MMP20: variants seen among roughly 807,000 people sequenced by gnomAD.
The protein encoded by MMP20 is matrix metalloproteinase-20.
Under a neutral mutation model 51.8 loss-of-function variants are expected in MMP20, and 50 were observed. That is an observed-to-expected ratio of 0.97 (90% CI 0.77 to 1.22). MMP20 has a LOEUF of 1.22. MMP20 is among the 50% of genes most tolerant of loss of function. The pLI, the probability that MMP20 is intolerant of heterozygous loss-of-function variation, is 0.00. For synonymous variants in MMP20, 244 were observed against 216.2 expected, an observed-to-expected ratio of 1.13 and a Z score of -1.13; for missense variants, 663 against 601.4, an observed-to-expected ratio of 1.10 and a Z score of -1.07.
Position 102,617,054 on chromosome 11 carries a change from A to G in MMP20, c.132T>C (p.Tyr44=), listed in dbSNP as rs759103909. The G allele has an allele frequency of 1.2e-6, 2 of 1,614,226 alleles. No individual in the cohort carries two copies. Among genetic ancestry groups the G allele is most frequent in the Admixed American group, 1.7e-5 (1 of 60,028 alleles). Residue 44 remains tyrosine (Y), a synonymous_variant, in exon 2 of 10, where the codon TAT becomes TAC. Coordinates refer to ENST00000260228, the MANE Select transcript of MMP20 (RefSeq NM_004771.4). ...CTTTATTTGTGTAATATTTGTCAAG[A>G]TACGCCTGAAATGGAGAGGCAGGCT... ...WRNNYRLAQA[Y]LDKYYTNKEG...
intron 8 of MMP20, among the ~76,000 whole-genome samples, chr11:102,593,202 G>A (rs1161358549): frequency 6.6e-6 from 1 of 152,134 alleles, no homozygotes; most frequent in Non-Finnish European, 1.5e-5. Flanking sequence ...GAAAGATCAG[G>A]ATGTGTCAAG....
At chr11:102,616,060 A>T (rs1226082767) in intron 2 of MMP20, among the ~76,000 whole-genome samples, 1 of 152,008 alleles carries the variant, frequency 6.6e-6, no homozygotes, top group African/African-American at 2.4e-5. Flanking sequence ...GGAGGGACAG[A>T]GGTTCTGGTT....
intron 8 of MMP20, among the ~76,000 whole-genome samples, chr11:102,585,135 A>C (rs923682235): frequency 6.6e-6 from 1 of 152,124 alleles, no homozygotes; most frequent in Non-Finnish European, 1.5e-5. Context: ...AAACTTGTCA[A>C]TTTCTACAAA....
chr11:102,609,170 T>G lies in MMP20; in HGVS notation c.650-72A>C, dbSNP rs565534210. The G allele has an allele frequency of 6.8e-6, 9 of 1,331,708 alleles. No homozygotes were observed. The African/African-American group carries it at 1.3e-4, about 19-fold the overall frequency. 82.5% of individuals were successfully genotyped at this position (1,331,708 alleles called of 1,614,324 possible). On this transcript the variant is annotated intron_variant, in intron 4 of 9. Transcript: ENST00000260228. ...TTTTCTCCATCTTCCATCTTTATAG[T>G]ATAATTTATGCCCACATTACAGTTA...
Position 102,606,671 on chromosome 11 carries a change from G to A in MMP20, c.817C>T (p.Arg273Trp), listed in dbSNP as rs538994781. 5.6e-6 allele frequency: 9 copies of A among 1,613,960 alleles called. No homozygotes were observed. The highest frequency in any genetic ancestry group is 1.7e-5 in the Admixed American group (1 of 60,014). ...GTGGGCTTCCCCAGGAATACTTTCC[G>A]AGGTCCTAGGATTCAAAATGAGTTG... ...VKGIQALYGPRKVFLGKPTLP... is the reference protein window; with the variant it reads ...VKGIQALYGPWKVFLGKPTLP... Residue 273 changes from arginine (R) to tryptophan (W), a missense_variant, in exon 6 of 10, where the codon CGG becomes TGG. Physicochemically the swap from Arg to Trp is moderately radical, Grantham distance 101 (BLOSUM62 -3). Coordinates refer to ENST00000260228, the MANE Select transcript of MMP20 (RefSeq NM_004771.4).
intron 8 of MMP20, among the ~76,000 whole-genome samples, chr11:102,592,200 C>T (rs939310347): frequency 6.6e-6 from 1 of 152,162 alleles, no homozygotes; most frequent in Non-Finnish European, 1.5e-5. Flanking sequence ...CATACTCTGT[C>T]TTGCAGATAT....
intron 8 of MMP20, among the ~76,000 whole-genome samples, chr11:102,591,543 G>A (rs1024283806): frequency 6.6e-6 from 1 of 152,182 alleles, no homozygotes; most frequent in Admixed American, 6.5e-5. Context: ...GTGTCTGCAT[G>A]CATTACATCA....
intron 6 of MMP20, among the ~76,000 whole-genome samples, chr11:102,602,796 T>C (rs1307776063): frequency 6.6e-6 from 1 of 152,242 alleles, no homozygotes; most frequent in Non-Finnish European, 1.5e-5. Flanking sequence ...TTGTGTGTGA[T>C]ATTCTTGATT....
At chr11:102,614,340 TG>T (rs1859640063) in intron 2 of MMP20, among the ~76,000 whole-genome samples, 1 of 152,184 alleles carries the variant, frequency 6.6e-6, no homozygotes, top group Admixed American at 6.5e-5. Flanking sequence ...TCCTTTTTCA[TG>T]GGGAGGCGAT....
At chr11:102,622,171 G>A (rs954187041) in intron 1 of MMP20, among the ~76,000 whole-genome samples, 2 of 152,192 alleles carry the variant, frequency 1.3e-5, no homozygotes, top group African/African-American at 4.8e-5. Context: ...CTTTTCAAGT[G>A]TAGATTTTTT....
At chr11:102,609,753 T>C (rs1229873052) in intron 4 of MMP20, 152 bp downstream of exon 4, 1 of 1,013,680 alleles carries the variant, frequency 9.9e-7, no homozygotes, top group Non-Finnish European at 1.5e-6. Flanking sequence ...TTTTCCCTTA[T>C]GTGATCCCTT....
At chr11:102,591,356 A>G (rs541309062) in intron 8 of MMP20, among the ~76,000 whole-genome samples, 19 of 152,360 alleles carry the variant, frequency 1.2e-4, no homozygotes, top group African/African-American at 4.3e-4. Context: ...TTTAAAAAGG[A>G]AATTCCCTTT....
At chr11:102,614,958 T>TAG (rs1452858844) in intron 2 of MMP20, among the ~76,000 whole-genome samples, 2 of 151,910 alleles carry the variant, frequency 1.3e-5, no homozygotes, top group Non-Finnish European at 2.9e-5. Flanking sequence ...CAGATGTACA[T>TAG]AGCCTCATGA....
chr11:102,598,426 G>C (rs1859408217), intron 6 of MMP20, among the ~76,000 whole-genome samples: 1 of 152,194 alleles, frequency 6.6e-6, no homozygotes, highest in Non-Finnish European at 1.5e-5. Context: ...CTGCTGATTA[G>C]ATATTTAGCT....
At chr11:102,594,849 G>C (rs1859362687) in intron 6 of MMP20, 92 bp from the exon 7 acceptor site, 1 of 1,496,718 alleles carries the variant, frequency 6.7e-7, no homozygotes, top group Non-Finnish European at 9.1e-7. Flanking sequence ...TGTACTCAGA[G>C]GCCACTCACT....
chr11:102,604,250 A>G (rs1859485167), intron 6 of MMP20, among the ~76,000 whole-genome samples: 1 of 152,136 alleles, frequency 6.6e-6, no homozygotes, highest in African/African-American at 2.4e-5. Context: ...CCTTAGGTGA[A>G]GCCAAGTTTA....
chr11:102,618,064 C>G lies in MMP20; in HGVS notation c.127-1005G>C, dbSNP rs972681539. On this transcript the variant is annotated intron_variant, in intron 1 of 9. Coordinates refer to ENST00000260228, the MANE Select transcript of MMP20 (RefSeq NM_004771.4). ...GTACAGCCTCCTGTATGCTTTAAAT[C>G]ATCTCTAAATTACTTATAATATGTA... Among the ~76,000 whole-genome samples, 10 of 152,208 alleles carry G rather than the reference C, an allele frequency of 6.6e-5. No individual in the cohort carries two copies. In the East Asian group the frequency reaches 1.9e-3, roughly 29 times the overall value.
chr11:102,621,103 C>A (rs760678390), intron 1 of MMP20, among the ~76,000 whole-genome samples: 63 of 152,210 alleles, frequency 4.1e-4, no homozygotes, highest in Admixed American at 3.4e-3. Flanking sequence ...TACCCGCCTG[C>A]AAGATGGATA....
chr11:102,577,218 G>T lies in MMP20; in HGVS notation c.*108C>A. ...TTCTCAGTGAATTCTAATTTGATTT[G>T]AAGGCCTTTGGAAGAATCCCTCTCC... On this transcript the variant is annotated 3_prime_UTR_variant, in exon 10 of 10. Transcript: ENST00000260228. The T allele has an allele frequency of 1.3e-6, 1 of 744,122 alleles. No homozygotes were observed. 46.1% of individuals were successfully genotyped at this position (744,122 alleles called of 1,614,324 possible). A position where few individuals can be genotyped will look rare whatever the true frequency, so the allele number is the denominator to read the frequency against.
Sources: allele counts gnomAD v4.1 joint callset (sites outside exome capture counted in the v4.1 genomes callset), GRCh38; gene constraint gnomAD v4.1.1; transcripts MANE v1.5; gene names NCBI Gene and HGNC (gene_info 2026-07-23, HGNC 2026-07-21).